The following FREM3 variants were observed in gnomAD, a reference collection of about 807,000 sequenced individuals.
FREM3 encodes the protein FRAS1-related extracellular matrix protein 3.
Under a neutral mutation model 129.1 loss-of-function variants are expected in FREM3, and 105 were observed. That is an observed-to-expected ratio of 0.81 (90% CI 0.69 to 0.96). FREM3 has a LOEUF of 0.96. FREM3 is among the 40% of genes least tolerant of loss of function. The pLI, the probability that FREM3 is intolerant of heterozygous loss-of-function variation, is 0.00. For synonymous variants in FREM3, 1,014 were observed against 1,044.9 expected, an observed-to-expected ratio of 0.97 and a Z score of 0.57; for missense variants, 2,593 against 2,666.3, an observed-to-expected ratio of 0.97 and a Z score of 0.61.
chr4:143,639,160 T>C (rs1006585735), intron 2 of FREM3, among the ~76,000 whole-genome samples: 1 of 152,144 alleles, frequency 6.6e-6, no homozygotes, highest in African/African-American at 2.4e-5. Context: ...AGAACAGTTC[T>C]TCACCCGCAG....
chr4:143,651,237 A>G (rs1220431832), intron 2 of FREM3, among the ~76,000 whole-genome samples: 1 of 152,208 alleles, frequency 6.6e-6, no homozygotes, highest in African/African-American at 2.4e-5. Flanking sequence ...CAGAATCTAT[A>G]AACAAATAGT....
At chr4:143,670,398 A>G (rs1005502649) in intron 2 of FREM3, among the ~76,000 whole-genome samples, 1 of 152,210 alleles carries the variant, frequency 6.6e-6, no homozygotes, top group Non-Finnish European at 1.5e-5. Flanking sequence ...TAATATACAC[A>G]TATGTATTTA....
chr4:143,696,650 G>T lies in FREM3; in HGVS notation c.4026C>A (p.Leu1342=). The stretch of plus-strand genomic sequence containing the variant: ...GAGGCCCAGAATGGAGGACAAAACT[G>T]AGGCTTTTATCATCTGAGTCAAGAT... The part of the protein sequence containing the change: ...ATDLDSDDKS[L]SFVLHSGPQQ... Residue 1342 remains leucine (L), a synonymous_variant, in exon 1 of 8, where the codon CTC becomes CTA. Transcript: ENST00000329798. 1 of 1,537,866 alleles carries T rather than the reference G, an allele frequency of 6.5e-7. No homozygotes were observed. The highest frequency in any genetic ancestry group is 8.7e-7 in the Non-Finnish European group (1 of 1,147,046).
intron 2 of FREM3, among the ~76,000 whole-genome samples, chr4:143,652,991 G>C (rs1487900406): frequency 6.6e-6 from 1 of 152,160 alleles, no homozygotes; most frequent in African/African-American, 2.4e-5. Context: ...ACAAGGTTTT[G>C]ATACTAGAAT....
At chr4:143,624,461 CA>C (rs2149842267) in intron 3 of FREM3, 123 bp from the exon 4 acceptor site, 3 of 626,784 alleles carry the variant, frequency 4.8e-6, no homozygotes, top group Non-Finnish European at 8.3e-6. Context: ...TTAATGCTCC[CA>C]AAAGACACTT....
chr4:143,678,310 A>G (rs1184507029), intron 2 of FREM3, among the ~76,000 whole-genome samples: 2 of 151,962 alleles, frequency 1.3e-5, no homozygotes, highest in Non-Finnish European at 2.9e-5. Context: ...CAAACACCGC[A>G]TGTTCTCACT....
At chr4:143,591,459 C>G (rs1027306827) in intron 6 of FREM3, among the ~76,000 whole-genome samples, 2 of 152,188 alleles carry the variant, frequency 1.3e-5, no homozygotes, top group African/African-American at 4.8e-5. Flanking sequence ...TCATTGGTTT[C>G]AAAGAACATC....
intron 2 of FREM3, among the ~76,000 whole-genome samples, chr4:143,668,969 AT>A (rs1216697595): frequency 6.6e-6 from 1 of 152,220 alleles, no homozygotes; most frequent in East Asian, 1.9e-4. Context: ...TCTATTAAAA[AT>A]ACTGTCTTCA....
intron 2 of FREM3, among the ~76,000 whole-genome samples, chr4:143,665,168 C>T (rs1392079168): frequency 6.6e-6 from 1 of 152,094 alleles, no homozygotes; most frequent in Admixed American, 6.6e-5. Flanking sequence ...CAGAAATCAC[C>T]CGTCTTCTGC....
At chr4:143,676,372 G>T (rs1028605463) in intron 2 of FREM3, among the ~76,000 whole-genome samples, 2 of 152,186 alleles carry the variant, frequency 1.3e-5, no homozygotes, top group Non-Finnish European at 1.5e-5. Context: ...CAGTAAATTA[G>T]GTATTGTTAG....
chr4:143,602,771 G>A (rs1246270770), intron 6 of FREM3, among the ~76,000 whole-genome samples: 1 of 152,150 alleles, frequency 6.6e-6, no homozygotes, highest in African/African-American at 2.4e-5. Flanking sequence ...CAACTGTTTT[G>A]TCCTGTATTT....
In FREM3 at chr4:143,700,415, A is replaced by G; in HGVS notation, c.261T>C (p.Ile87=). ...LWLDPLRDLV[I]GVQPGDRCEV... ...CGCACCGGTCCCCCGGCTGCACTCC[A>G]ATCACCAGATCCCGGAGCGGGTCGA... is the stretch of plus-strand genomic sequence containing the variant. The change falls in exon 1 of 8, where the codon ATT becomes ATC. Residue 87 remains isoleucine (I), a synonymous_variant. Transcript: ENST00000329798. 1.3e-6 allele frequency: 2 copies of G among 1,533,294 alleles called. No individual in the cohort carries two copies. Among genetic ancestry groups the G allele is most frequent in the South Asian group, 1.2e-5 (1 of 83,780 alleles). The allele number at this position is 1,533,294 out of a possible 1,614,324, so 95.0% of individuals were successfully genotyped here.
At chr4:143,629,026 G>A (rs1739094858) in intron 2 of FREM3, among the ~76,000 whole-genome samples, 1 of 152,068 alleles carries the variant, frequency 6.6e-6, no homozygotes, top group Non-Finnish European at 1.5e-5. Flanking sequence ...GAAGCTGGGA[G>A]CCAACCACCA....
chr4:143,624,462 A>G, intron 3 of FREM3, 124 bp from the exon 4 acceptor site: 1 of 626,450 alleles, frequency 1.6e-6, no homozygotes, highest in Non-Finnish European at 2.8e-6. Context: ...TAATGCTCCC[A>G]AAAGACACTT....
At chr4:143,638,654 G>A (rs1487367681) in intron 2 of FREM3, among the ~76,000 whole-genome samples, 2 of 152,002 alleles carry the variant, frequency 1.3e-5, no homozygotes, top group African/African-American at 2.4e-5. Flanking sequence ...CCCCATTGGC[G>A]GTAAAGACTA....
In FREM3 at chr4:143,700,362, C is replaced by T; in HGVS notation, c.314G>A (p.Arg105Gln). Residue 105 changes from arginine (R) to glutamine (Q), a missense_variant, in exon 1 of 8, where the codon CGG (arginine) becomes CAG (glutamine). Around this residue, in one of 2 missense-constraint regions of FREM3, gnomAD observed 2,276 missense variants for 2,267.2 expected, o/e 1.00. Coordinates refer to ENST00000329798, the MANE Select transcript of FREM3 (RefSeq NM_001168235.2). ...GCGCGGGGAGAGCGCGCCCTTGAGC[C>T]GCGGCAGGGCGTCCAGTACCGTGAC... ...CEVTVLDALP[R>Q]LKGALSPRRF... 1 of 1,535,012 alleles carries T rather than the reference C, an allele frequency of 6.5e-7. No individual in the cohort carries two copies. Among genetic ancestry groups the T allele is most frequent in the Non-Finnish European group, 8.7e-7 (1 of 1,146,116 alleles).
chr4:143,680,332 ACT>A (rs1192568947), intron 2 of FREM3, among the ~76,000 whole-genome samples: 10 of 151,656 alleles, frequency 6.6e-5, no homozygotes, highest in Non-Finnish European at 8.8e-5. Flanking sequence ...ATCTTTACAC[ACT>A]GTTTTCCACT....
chr4:143,654,615 C>T (rs1739567526), intron 2 of FREM3, among the ~76,000 whole-genome samples: 3 of 152,288 alleles, frequency 2.0e-5, no homozygotes, highest in East Asian at 1.9e-4. Flanking sequence ...TAGGATGAAT[C>T]CAATTCCTTC....
At position 143,577,548 on chromosome 4, in the gene FREM3, A is replaced by G. The variant is rs2149831699; in HGVS notation, c.*63T>C. 2 of 1,442,088 alleles carry G rather than the reference A, an allele frequency of 1.4e-6. No homozygotes were observed. The highest frequency in any genetic ancestry group is 2.5e-5 in the East Asian group (1 of 40,294). 89.3% of individuals were successfully genotyped at this position (1,442,088 alleles called of 1,614,324 possible). A position where few individuals can be genotyped will look rare whatever the true frequency, so the allele number is the denominator to read the frequency against. On this transcript the variant is annotated 3_prime_UTR_variant, in exon 8 of 8. Transcript: ENST00000329798. Reference sequence around the variant, plus strand: ...CCCAGAATTGCTAAGATCTATAAACAGTAGAGTTTCATTCTGTTGTTAGGA... The same window carrying G: ...CCCAGAATTGCTAAGATCTATAAACGGTAGAGTTTCATTCTGTTGTTAGGA...
Sources: gnomAD v4.1 joint callset for allele counts (sites outside exome capture counted in the v4.1 genomes callset) on GRCh38, gnomAD v4.1.1 for gene constraint, gnomAD v4.1.1 regional missense constraint, MANE v1.5 for transcripts, NCBI Gene and HGNC (gene_info 2026-07-23, HGNC 2026-07-21) for gene names.